The following MAP4K1 variants were observed in gnomAD, a reference collection of about 807,000 sequenced individuals.
MAP4K1 encodes mitogen-activated protein kinase kinase kinase kinase 1.
A neutral mutation model predicts 122.8 loss-of-function variants in MAP4K1; 35 were observed. The ratio of observed to expected loss-of-function variants is 0.29; its 90% CI spans 0.22 to 0.38. The LOEUF (loss-of-function observed/expected upper bound fraction) is 0.38, where lower values mean the gene tolerates loss of function less well. Among genes scored for constraint, MAP4K1 ranks in the 10% least tolerant of loss-of-function variants. The probability of loss-of-function intolerance (pLI) is 1.00; values close to 1 mark genes in which losing one functional copy is unlikely to be tolerated. For missense variants in MAP4K1, 791 were observed against 1,072.6 expected, an observed-to-expected ratio of 0.74 and a Z score of 3.67; for synonymous variants, 412 against 421.3, an observed-to-expected ratio of 0.98 and a Z score of 0.27.
chr19:38,599,279 T>G (rs1974988450), intron 22 of MAP4K1, among the ~76,000 whole-genome samples: 1 of 128,390 alleles, frequency 7.8e-6, no homozygotes, highest in Non-Finnish European at 1.6e-5. Flanking sequence ...ACCCAGGAAG[T>G]AGAGGTTGCA....
rs1247248614 is a variant in MAP4K1 at position 38,611,129 on chromosome 19, C to T, written c.732G>A (p.Ser244=). The T allele has an allele frequency of 1.9e-6, 3 of 1,613,316 alleles. No homozygotes were observed. Among genetic ancestry groups the T allele is most frequent in the Non-Finnish European group, 2.5e-6 (3 of 1,179,694 alleles). Residue 244 remains serine, a synonymous_variant, in exon 11 of 31, where the codon TCG becomes TCA. Transcript: ENST00000396857. ...PPRLKEKGKW[S]AAFHNFIKVT... is the part of the protein sequence containing the mutation. ...CTTTGATGAAGTTGTGGAAGGCAGC[C>T]GACCTTGGGAAGAAGAAGCCAGGTT...
intron 16 of MAP4K1, among the ~76,000 whole-genome samples, chr19:38,606,708 C>G (rs1330936380): frequency 1.3e-5 from 2 of 152,032 alleles, no homozygotes; most frequent in Non-Finnish European, 2.9e-5. Context: ...AATGATTAGC[C>G]TGTTTCCAAA....
chr19:38,613,674 C>T (rs1219821171), intron 8 of MAP4K1, among the ~76,000 whole-genome samples: 1 of 151,840 alleles, frequency 6.6e-6, no homozygotes, highest in African/African-American at 2.4e-5. Context: ...AAAATCAACA[C>T]AAACACCGAG....
chr19:38,602,743 T>TAC (rs1975130083), intron 19 of MAP4K1, among the ~76,000 whole-genome samples: 1 of 148,840 alleles, frequency 6.7e-6, no homozygotes, highest in Non-Finnish European at 1.5e-5. Flanking sequence ...TATACATATA[T>TAC]ACACATGTAC....
chr19:38,612,894 T>A, intron 8 of MAP4K1, 152 bp from the exon 9 acceptor site: 1 of 807,396 alleles, frequency 1.2e-6, no homozygotes, highest in Non-Finnish European at 2.0e-6. Context: ...CACAGGCAGA[T>A]GAAGACAGAG....
chr19:38,596,532 G>C (rs756685694), intron 25 of MAP4K1, 46 bp from the exon 26 acceptor site: 1 of 1,418,692 alleles, frequency 7.0e-7, no homozygotes, highest in Middle Eastern at 2.3e-4. Context: ...GGTTCAGGAC[G>C]GGGCCTCAGG....
At chr19:38,603,721 C>T (rs891040859) in intron 19 of MAP4K1, among the ~76,000 whole-genome samples, 1 of 152,016 alleles carries the variant, frequency 6.6e-6, no homozygotes, top group African/African-American at 2.4e-5. Context: ...CGGTGGCTCA[C>T]GCCTGTAATG....
In MAP4K1 at chr19:38,608,112, G is replaced by A. The variant is rs370464382; in HGVS notation, c.1065C>T (p.Thr355=). The change falls in exon 14 of 31, where the codon ACC becomes ACT. Residue 355 remains threonine (T), a splice_region_variant and synonymous_variant. Coordinates refer to ENST00000396857, the MANE Select transcript of MAP4K1 (RefSeq NM_001042600.3). The part of the protein sequence containing the change: ...RGMETRPPAN[T]ARLQPPRDLR... ...GGGGAGTGGGGGGACAGCATCTCAC[G>A]GTGTTGGCTGGGGGTCTGGTCTCCA... 2.8e-5 allele frequency: 43 copies of A among 1,540,846 alleles called. No individual in the cohort carries two copies. Among genetic ancestry groups the A allele is most frequent in the Non-Finnish European group, 3.3e-5 (38 of 1,145,244 alleles).
intron 30 of MAP4K1, among the ~76,000 whole-genome samples, chr19:38,590,593 C>T (rs1258394550): frequency 6.6e-6 from 1 of 151,124 alleles, no homozygotes; most frequent in Non-Finnish European, 1.5e-5. Context: ...ATTCTCCTGC[C>T]TCAGCCTCCC....
chr19:38,609,956 G>C lies in MAP4K1; in HGVS notation c.880C>G (p.Pro294Ala). ...TCCCCAATGGAGGGTCCTTTCCCGGGATTCTTCAGTTTGTCAAGAAGATCC... is the reference window on the plus strand; with the variant it reads ...TCCCCAATGGAGGGTCCTTTCCCGGCATTCTTCAGTTTGTCAAGAAGATCC... ...ILDLLDKLKN[P>A]GKGPSIGDIE... is the part of the protein sequence containing the mutation. The change falls in exon 12 of 31, where the codon CCC (proline) becomes GCC (alanine). Residue 294 changes from proline to alanine, a missense_variant. Coordinates refer to ENST00000396857, the MANE Select transcript of MAP4K1 (RefSeq NM_001042600.3). 1 of 1,614,210 alleles carries C rather than the reference G, an allele frequency of 6.2e-7. No homozygotes were observed. The highest frequency in any genetic ancestry group is 1.1e-5 in the South Asian group (1 of 91,084).
At chr19:38,608,820 A>AAC (rs1975410191) in intron 13 of MAP4K1, among the ~76,000 whole-genome samples, 3 of 149,190 alleles carry the variant, frequency 2.0e-5, no homozygotes, top group Non-Finnish European at 1.5e-5. Flanking sequence ...AAAAAAAAAA[A>AAC]AAAAAAAAAC....
At chr19:38,613,215 G>T (rs902708872) in intron 8 of MAP4K1, among the ~76,000 whole-genome samples, 2 of 151,498 alleles carry the variant, frequency 1.3e-5, no homozygotes, top group African/African-American at 4.8e-5. Flanking sequence ...GCTGAGGCAG[G>T]AGAATTGCTT....
chr19:38,594,347 C>T (rs576447917), intron 29 of MAP4K1, among the ~76,000 whole-genome samples: 73 of 152,102 alleles, frequency 4.8e-4, no homozygotes, highest in African/African-American at 1.7e-3. Context: ...ACCCTATCTC[C>T]AAAACAAACA....
chr19:38,606,305 T>A (rs1599711030), intron 16 of MAP4K1, 90 bp from the exon 17 acceptor site: 3 of 653,188 alleles, frequency 4.6e-6, no homozygotes, highest in Non-Finnish European at 8.1e-6. Flanking sequence ...GGCCCGGGAC[T>A]GGGGTCTGAG....
At chr19:38,593,243 C>G in intron 30 of MAP4K1, 39 bp downstream of exon 30, 1 of 1,589,374 alleles carries the variant, frequency 6.3e-7, no homozygotes, top group Non-Finnish European at 8.6e-7. Flanking sequence ...CATCAGAAGC[C>G]CCCTCCCAGG....
chr19:38,590,044 AAG>A (rs1974657759), intron 30 of MAP4K1, among the ~76,000 whole-genome samples: 1 of 151,698 alleles, frequency 6.6e-6, no homozygotes. Flanking sequence ...AAAAAAGAAA[AAG>A]GGAGAAAAAA....
intron 20 of MAP4K1, among the ~76,000 whole-genome samples, chr19:38,600,798 C>T (rs1177915369): frequency 7.1e-6 from 1 of 140,210 alleles, no homozygotes; most frequent in Non-Finnish European, 1.5e-5. Context: ...TCCCTCTACC[C>T]ATTTTTTTTT....
intron 29 of MAP4K1, among the ~76,000 whole-genome samples, chr19:38,593,944 A>G (rs566646663): frequency 6.6e-6 from 1 of 152,336 alleles, no homozygotes; most frequent in Non-Finnish European, 1.5e-5. Flanking sequence ...GTGTAAGGGC[A>G]AAGTCTGACA....
chr19:38,617,827 C>A lies in MAP4K1; in HGVS notation c.69G>T (p.Leu23=). 1 of 1,614,158 alleles carries A rather than the reference C, an allele frequency of 6.2e-7. No individual in the cohort carries two copies. Among genetic ancestry groups the A allele is most frequent in the South Asian group, 1.1e-5 (1 of 91,082 alleles). Residue 23 remains leucine, a synonymous_variant, in exon 1 of 31, where the codon CTG becomes CTT. Transcript: ENST00000396857. The surrounding 1 kb of genome is among the most constrained non-coding windows in gnomAD (Gnocchi z 4.1). ...AGACTTCCCCATACGTGCCGCCACC[C>A]AGCCGCTGTAGCAGGTCATAGTGGT... The part of the protein sequence containing the change: ...PRDHYDLLQR[L]GGGTYGEVFK...
Sources: allele counts gnomAD v4.1 joint callset (sites outside exome capture counted in the v4.1 genomes callset), GRCh38; gene constraint gnomAD v4.1.1; non-coding constraint Gnocchi (gnomAD v3.1); transcripts MANE v1.5; gene names NCBI Gene and HGNC (gene_info 2026-07-23, HGNC 2026-07-21).